Variants in C5orf58 observed in about 807,000 individuals in gnomAD.
C5orf58 encodes chromosome 5 open reading frame 58.
C5orf58 carries 2 observed loss-of-function variants against 2.9 expected under a neutral mutation model. That is an observed-to-expected ratio of 0.69 (90% CI 0.28 to 2.18). The LOEUF is 2.18. C5orf58 is among the 30% of genes most tolerant of loss of function. The probability of loss-of-function intolerance (pLI) is 0.13; values close to 1 mark genes in which losing one functional copy is unlikely to be tolerated. For synonymous variants in C5orf58, 37 were observed against 33.4 expected, an observed-to-expected ratio of 1.11 and a Z score of -0.37; for missense variants, 96 against 91.7, an observed-to-expected ratio of 1.05 and a Z score of -0.19.
downstream of C5orf58, among the ~76,000 whole-genome samples, chr5:170,250,534 A>G (rs1350505184): frequency 6.6e-6 from 1 of 152,264 alleles, no homozygotes; most frequent in East Asian, 1.9e-4. Context: ...AAAGATATAC[A>G]AGAAAGAATC....
chr5:170,237,692 G>C (rs956961551), intron 3 of C5orf58, among the ~76,000 whole-genome samples: 1 of 152,174 alleles, frequency 6.6e-6, no homozygotes, highest in East Asian at 1.9e-4. Context: ...AGGAAGACTA[G>C]TTAAATATAT....
intron 3 of C5orf58, among the ~76,000 whole-genome samples, chr5:170,238,647 A>G (rs1019751511): frequency 1.3e-5 from 2 of 152,210 alleles, no homozygotes; most frequent in Non-Finnish European, 2.9e-5. Context: ...AATGTTGTGA[A>G]ATTTCAGTCT....
downstream of C5orf58, chr5:170,252,430 A>G (rs1761465468): frequency 1.3e-6 from 2 of 1,518,050 alleles, no homozygotes; most frequent in Non-Finnish European, 1.8e-6. Flanking sequence ...CTATAGCACA[A>G]TACCTGGTTT....
intron 3 of C5orf58, 94 bp from the exon 4 acceptor site, chr5:170,245,868 A>G: frequency 4.0e-6 from 5 of 1,241,208 alleles, no homozygotes; most frequent in South Asian, 3.0e-5. Flanking sequence ...TCACTTGGAA[A>G]TTAGGAATTA....
At chr5:170,241,990 G>T (rs1040481807) in intron 3 of C5orf58, among the ~76,000 whole-genome samples, 15 of 148,220 alleles carry the variant, frequency 1.0e-4, no homozygotes, top group African/African-American at 3.0e-4. Context: ...AGCATGAAGG[G>T]TTGTTGAATT....
At chr5:170,233,614 G>T in intron 1 of C5orf58, 1 of 158,104 alleles carries the variant, frequency 6.3e-6, no homozygotes, top group Non-Finnish European at 1.4e-5. Context: ...CCTTGAGTCA[G>T]CGACATCCTG....
chr5:170,248,814 A>T (rs1390737104), downstream of C5orf58: 1 of 1,612,274 alleles, frequency 6.2e-7, no homozygotes, highest in Non-Finnish European at 8.5e-7. Flanking sequence ...ACACAGACAG[A>T]AAGTCCTGAA....
At chr5:170,241,368 A>T (rs1760999951) in intron 3 of C5orf58, among the ~76,000 whole-genome samples, 1 of 151,060 alleles carries the variant, frequency 6.6e-6, no homozygotes, top group African/African-American at 2.5e-5. Context: ...TACCTTGGGC[A>T]GTATGGCCAT....
chr5:170,241,264 T>A (rs1438173074), intron 3 of C5orf58, among the ~76,000 whole-genome samples: 1 of 152,076 alleles, frequency 6.6e-6, no homozygotes, highest in Non-Finnish European at 1.5e-5. Context: ...TGCGGGCTCT[T>A]TTTTTGGTTC....
At chr5:170,250,916 G>T (rs1473580638), downstream of C5orf58, 32 of 1,594,648 alleles carry the variant, frequency 2.0e-5, no homozygotes, top group Non-Finnish European at 2.7e-5. Context: ...TATTATGGGA[G>T]CAGTAAAAGT....
At chr5:170,250,615 G>T (rs1761414142), downstream of C5orf58, 3 of 793,228 alleles carry the variant, frequency 3.8e-6, no homozygotes, top group Non-Finnish European at 2.2e-6. Flanking sequence ...CTTCACTCAT[G>T]TGATTTAATC....
At chr5:170,251,898 A>T (rs1761452816) in exon 3 of C5orf58, 1 of 236,886 alleles carries the variant, frequency 4.2e-6, no homozygotes, top group African/African-American at 2.2e-5. Flanking sequence ...AAGATGAAAG[A>T]TTTTTGCTTT....
exon 3 of C5orf58, chr5:170,252,007 A>C (rs562711844): frequency 5.0e-6 from 1 of 200,066 alleles, no homozygotes; most frequent in Non-Finnish European, 1.1e-5. Context: ...AGAAACGTCT[A>C]GGGCAAAAAG....
chr5:170,243,995 A>G (rs1396059454), intron 3 of C5orf58, among the ~76,000 whole-genome samples: 1,122 of 103,124 alleles, frequency 0.011, no homozygotes, highest in Middle Eastern at 0.021. Flanking sequence ...ATCTCTCAGC[A>G]TTTGCTTGTC....
intron 3 of C5orf58, chr5:170,237,291 T>C (rs1401177026): frequency 1.3e-5 from 5 of 398,310 alleles, no homozygotes; most frequent in Non-Finnish European, 2.2e-5. Context: ...AGCCAACCTT[T>C]ACAGAATTTA....
intron 1 of C5orf58, 43 bp from the exon 2 acceptor site, chr5:170,234,072 A>T: frequency 8.4e-7 from 1 of 1,187,666 alleles, no homozygotes; most frequent in Non-Finnish European, 1.2e-6. Flanking sequence ...TCTTGGGGGT[A>T]GATGCAAAGC....
chr5:170,243,295 C>T (rs1488554672), intron 3 of C5orf58, among the ~76,000 whole-genome samples: 6 of 140,794 alleles, frequency 4.3e-5, no homozygotes, highest in Non-Finnish European at 6.2e-5. Flanking sequence ...CTATTAGGTC[C>T]GCTTGGTGCA....
At chr5:170,238,085 A>G (rs767403796) in intron 3 of C5orf58, among the ~76,000 whole-genome samples, 1 of 152,164 alleles carries the variant, frequency 6.6e-6, no homozygotes, top group African/African-American at 2.4e-5. Flanking sequence ...AGAACTTCCA[A>G]TTGTCTTTTT....
At chr5:170,249,704 C>G (rs1040604984), downstream of C5orf58, among the ~76,000 whole-genome samples, 1 of 152,176 alleles carries the variant, frequency 6.6e-6, no homozygotes, top group African/African-American at 2.4e-5. Flanking sequence ...TATTTGCAGC[C>G]ATAGCCTGGA....
Sources: allele counts gnomAD v4.1 joint callset (sites outside exome capture counted in the v4.1 genomes callset), GRCh38; gene constraint gnomAD v4.1.1; transcripts MANE v1.5; gene names NCBI Gene and HGNC (gene_info 2026-07-23, HGNC 2026-07-21).